The following RALGAPA2 variants were observed in gnomAD, a reference collection of about 807,000 sequenced individuals.
RALGAPA2 encodes Ral GTPase activating protein catalytic subunit alpha 2.
In RALGAPA2, 139 loss-of-function variants were observed where a neutral mutation model predicts 230.4. The ratio of observed to expected loss-of-function variants is 0.60; its 90% CI spans 0.53 to 0.69. The LOEUF (loss-of-function observed/expected upper bound fraction) is 0.69, where lower values mean the gene tolerates loss of function less well. Among genes scored for constraint, RALGAPA2 ranks in the 30% least tolerant of loss-of-function variants. The pLI is 0.00. For synonymous variants in RALGAPA2, 847 were observed against 837.8 expected, an observed-to-expected ratio of 1.01 and a Z score of -0.19; for missense variants, 2,163 against 2,276.0, an observed-to-expected ratio of 0.95 and a Z score of 1.01.
chr20:20,672,641 G>A (rs2068175835), intron 3 of RALGAPA2, among the ~76,000 whole-genome samples: 1 of 152,270 alleles, frequency 6.6e-6, no homozygotes, highest in East Asian at 1.9e-4. Flanking sequence ...ACAGATTGCG[G>A]GAGGAGAAAA....
At chr20:20,603,112 C>T (rs76081850) in intron 15 of RALGAPA2, among the ~76,000 whole-genome samples, 6,980 of 152,228 alleles carry the variant, frequency 0.046, 224 homozygotes, top group Non-Finnish European at 0.072. Context: ...CTCCCTGCCC[C>T]TACTTCAATC....
chr20:20,423,380 A>AC (rs900102822), intron 37 of RALGAPA2, among the ~76,000 whole-genome samples: 2 of 152,074 alleles, frequency 1.3e-5, no homozygotes, highest in African/African-American at 4.8e-5. Context: ...AACCACCCCC[A>AC]CCCCCACCAG....
chr20:20,643,124 C>T (rs779972971), intron 5 of RALGAPA2, among the ~76,000 whole-genome samples: 20 of 152,148 alleles, frequency 1.3e-4, no homozygotes, highest in Non-Finnish European at 2.5e-4. Flanking sequence ...ATTTTAACAA[C>T]CAGGTTACCA....
Position 20,526,274 on chromosome 20 carries a change from G to A in RALGAPA2, c.3671C>T (p.Ser1224Phe). ...YWEKLQMFET[S>F]LPRKMAEILV... is the part of the protein sequence containing the mutation. ...TACTTCTGCCATTTTCCGAGGCAGA[G>A]AGGTTTCAAACATCTGAAGCTTCTC... is the stretch of plus-strand genomic sequence containing the variant. The change falls in exon 28 of 40, where the codon TCT becomes TTT. Residue 1224 changes from serine to phenylalanine, a missense_variant. By Grantham distance (155) the Ser-to-Phe change is radical. Transcript: ENST00000202677. 3 of 1,606,134 alleles carry A rather than the reference G, an allele frequency of 1.9e-6. No individual in the cohort carries two copies. The highest frequency in any genetic ancestry group is 2.6e-6 in the Non-Finnish European group (3 of 1,175,214).
Position 20,638,005 on chromosome 20 carries a change from G to A in RALGAPA2, c.667-504C>T, listed in dbSNP as rs1016607534. Among the ~76,000 whole-genome samples the A allele has an allele frequency of 7.2e-5, 11 of 152,164 alleles. 1 individual carries two copies. The highest frequency in any genetic ancestry group is 4.1e-4 in the South Asian group (2 of 4,824). ...TGGAATCTTGGAAAATGCATTCTCC[G>A]TATTAAAAAAATTCAAAGGCTACGA... On this transcript the variant is annotated intron_variant, in intron 7 of 39. Transcript: ENST00000202677.
At chr20:20,418,928 T>C (rs936079416) in intron 37 of RALGAPA2, among the ~76,000 whole-genome samples, 7 of 152,086 alleles carry the variant, frequency 4.6e-5, no homozygotes, top group African/African-American at 7.2e-5. Context: ...TTTCTAGCAA[T>C]GAGGTCTCGC....
At chr20:20,569,259 G>T (rs2064548633) in intron 23 of RALGAPA2, among the ~76,000 whole-genome samples, 1 of 152,096 alleles carries the variant, frequency 6.6e-6, no homozygotes, top group Admixed American at 6.5e-5. Context: ...TCTGGCAAAG[G>T]AATAAAGTTT....
intron 37 of RALGAPA2, among the ~76,000 whole-genome samples, chr20:20,444,330 T>G (rs927266334): frequency 6.6e-6 from 1 of 152,242 alleles, no homozygotes; most frequent in Non-Finnish European, 1.5e-5. Flanking sequence ...CTGCTGATGA[T>G]CTGCAAAGGC....
At position 20,503,423 on chromosome 20, in the gene RALGAPA2, G is replaced by A. The variant is rs2062436438; in HGVS notation, c.5136C>T (p.Thr1712=). ...CATGGAAAATCACTTCCACAGTTGA[G>A]GTAGCATAGTAAGGGGCCGTCTGCC... ...STGQTAPYYA[T]STVEVIFHVS... Residue 1712 remains threonine, a synonymous_variant, in exon 35 of 40, where the codon ACC becomes ACT. Transcript: ENST00000202677. 1.2e-6 allele frequency: 2 copies of A among 1,609,218 alleles called. No homozygotes were observed. Among genetic ancestry groups the A allele is most frequent in the Non-Finnish European group, 1.7e-6 (2 of 1,176,888 alleles).
intron 37 of RALGAPA2, among the ~76,000 whole-genome samples, chr20:20,428,772 C>G (rs1260222026): frequency 6.8e-6 from 1 of 147,218 alleles, no homozygotes; most frequent in East Asian, 2.0e-4. Context: ...ACCCACCCAC[C>G]CATTCACCCA....
chr20:20,626,353 C>T (rs2066490223), intron 10 of RALGAPA2, among the ~76,000 whole-genome samples: 1 of 152,188 alleles, frequency 6.6e-6, no homozygotes, highest in South Asian at 2.1e-4. Flanking sequence ...TTAAACTTCA[C>T]ATACACAGTT....
intron 34 of RALGAPA2, 147 bp from the exon 35 acceptor site, chr20:20,503,653 A>C (rs1362674819): frequency 1.6e-6 from 1 of 642,188 alleles, no homozygotes; most frequent in African/African-American, 1.9e-5. Context: ...ACAAAGTTAG[A>C]CCAGATTAAA....
At chr20:20,485,805 A>G (rs1278173247) in intron 36 of RALGAPA2, among the ~76,000 whole-genome samples, 2 of 152,182 alleles carry the variant, frequency 1.3e-5, no homozygotes, top group Non-Finnish European at 2.9e-5. Flanking sequence ...ACTTGTTGCT[A>G]TTACTATCTG....
chr20:20,657,717 G>A (rs945745088), intron 3 of RALGAPA2, among the ~76,000 whole-genome samples: 1 of 152,074 alleles, frequency 6.6e-6, no homozygotes, highest in African/African-American at 2.4e-5. Context: ...ATTATCTCAC[G>A]CATTCTCCTT....
chr20:20,706,251 A>T (rs899028206), intron 1 of RALGAPA2, among the ~76,000 whole-genome samples: 1 of 152,190 alleles, frequency 6.6e-6, no homozygotes, highest in African/African-American at 2.4e-5. Context: ...AGTCTAGACA[A>T]CCTCAAGCCT....
At chr20:20,428,081 C>T (rs781041851) in intron 37 of RALGAPA2, among the ~76,000 whole-genome samples, 20 of 152,114 alleles carry the variant, frequency 1.3e-4, no homozygotes, top group Non-Finnish European at 2.8e-4. Flanking sequence ...GGGTGTTTAT[C>T]TTAACTTTTT....
chr20:20,642,431 G>A (rs557933704), intron 5 of RALGAPA2, among the ~76,000 whole-genome samples: 11 of 152,122 alleles, frequency 7.2e-5, no homozygotes, highest in South Asian at 6.2e-4. Context: ...GGCTGGTCTC[G>A]AACTCCTGAC....
At chr20:20,590,875 G>T (rs1172821330) in intron 17 of RALGAPA2, among the ~76,000 whole-genome samples, 2 of 151,926 alleles carry the variant, frequency 1.3e-5, no homozygotes, top group Non-Finnish European at 2.9e-5. Context: ...ACTTCATGTT[G>T]TAACAGCCTC....
At chr20:20,405,811 A>G (rs1330710306) in intron 38 of RALGAPA2, among the ~76,000 whole-genome samples, 1 of 152,128 alleles carries the variant, frequency 6.6e-6, no homozygotes, top group African/African-American at 2.4e-5. Context: ...GAAGGAGGGG[A>G]CAGATGAAAC....
Sources: gnomAD v4.1 joint callset for allele counts (sites outside exome capture counted in the v4.1 genomes callset) on GRCh38, gnomAD v4.1.1 for gene constraint, MANE v1.5 for transcripts, NCBI Gene and HGNC (gene_info 2026-07-23, HGNC 2026-07-21) for gene names.